SLAIN2: variants seen among roughly 807,000 people sequenced by gnomAD.
The protein encoded by SLAIN2 is SLAIN motif-containing protein 2.
In SLAIN2, 31 loss-of-function variants were observed where a neutral mutation model predicts 56.6. That is an observed-to-expected ratio of 0.55 (90% CI 0.41 to 0.74). The LOEUF is 0.74. Ranked by LOEUF, SLAIN2 falls within the 30% of genes least tolerant of loss-of-function variation. SLAIN2 has a pLI of 0.00. For synonymous variants in SLAIN2, 317 were observed against 284.9 expected, an observed-to-expected ratio of 1.11 and a Z score of -1.13; for missense variants, 777 against 754.2, an observed-to-expected ratio of 1.03 and a Z score of -0.35.
chr4:48,373,815 C>A (rs1173433497), intron 2 of SLAIN2, among the ~76,000 whole-genome samples: 8 of 151,920 alleles, frequency 5.3e-5, no homozygotes, highest in Non-Finnish European at 1.0e-4. Context: ...CCAAGGTGGG[C>A]GGATCACCTG....
chr4:48,376,703 G>A (rs1294932329), intron 2 of SLAIN2, among the ~76,000 whole-genome samples: 1 of 134,438 alleles, frequency 7.4e-6, no homozygotes, highest in Non-Finnish European at 1.5e-5. Flanking sequence ...CTCACTGCAA[G>A]CCCCGCCTCC....
chr4:48,380,422 G>C (rs1577722927), intron 4 of SLAIN2, among the ~76,000 whole-genome samples: 1 of 152,062 alleles, frequency 6.6e-6, no homozygotes, highest in African/African-American at 2.4e-5. Context: ...AATACATGGT[G>C]TAAACTGTAA....
At chr4:48,347,299 G>A (rs1448297379) in intron 1 of SLAIN2, among the ~76,000 whole-genome samples, 1 of 152,072 alleles carries the variant, frequency 6.6e-6, no homozygotes, top group Non-Finnish European at 1.5e-5. Context: ...ATAATCTACA[G>A]CTCACTGCAG....
chr4:48,405,508 A>G (rs1716670168), intron 6 of SLAIN2, among the ~76,000 whole-genome samples: 1 of 152,018 alleles, frequency 6.6e-6, no homozygotes, highest in Non-Finnish European at 1.5e-5. Context: ...TTTGCTGATT[A>G]CTTTTTCATG....
chr4:48,398,263 T>C (rs1716461014), intron 6 of SLAIN2, among the ~76,000 whole-genome samples: 1 of 152,242 alleles, frequency 6.6e-6, no homozygotes, highest in Non-Finnish European at 1.5e-5. Context: ...ATGCGCTTTT[T>C]TTCATGTTTG....
intron 1 of SLAIN2, among the ~76,000 whole-genome samples, chr4:48,348,770 C>T (rs75165902): frequency 0.031 from 4,740 of 151,888 alleles, 81 homozygotes; most frequent in Admixed American, 0.046. Context: ...GCGGAAGCAT[C>T]ATGAATGTTT....
At chr4:48,396,934 C>T (rs1203358496) in intron 6 of SLAIN2, among the ~76,000 whole-genome samples, 1 of 152,134 alleles carries the variant, frequency 6.6e-6, no homozygotes, top group African/African-American at 2.4e-5. Flanking sequence ...AGTCATGCTA[C>T]TAAAGTCAAA....
At chr4:48,409,415 G>A (rs1350636412) in intron 6 of SLAIN2, among the ~76,000 whole-genome samples, 4 of 152,104 alleles carry the variant, frequency 2.6e-5, no homozygotes, top group Non-Finnish European at 5.9e-5. Flanking sequence ...GTTCCTACAC[G>A]GACAAACTTG....
chr4:48,402,765 C>A (rs556697592), intron 6 of SLAIN2, among the ~76,000 whole-genome samples: 1 of 152,120 alleles, frequency 6.6e-6, no homozygotes, highest in East Asian at 1.9e-4. Context: ...GTGCCCTTGC[C>A]GGAGAGATGT....
intron 6 of SLAIN2, among the ~76,000 whole-genome samples, chr4:48,385,609 AC>A (rs751567707): frequency 6.7e-6 from 1 of 150,364 alleles, no homozygotes; most frequent in Admixed American, 6.6e-5. Context: ...AAGATATTTA[AC>A]CCTTTTTTCA....
chr4:48,383,715 A>T lies in SLAIN2; in HGVS notation c.1291A>T (p.Ser431Cys). The T allele has an allele frequency of 1.9e-6, 3 of 1,611,922 alleles. No homozygotes were observed. Among genetic ancestry groups the T allele is most frequent in the Non-Finnish European group, 2.5e-6 (3 of 1,178,758 alleles). The part of the protein sequence containing the change: ...SNTQVDSVKS[S>C]RSDSNFQVPN... ...TACACAAGTTGACTCAGTGAAAAGC[A>T]GCAGAAGTGACTCAAATTTTCAAGT... The change falls in exon 6 of 8, where the codon AGC (serine) becomes TGC (cysteine). Residue 431 changes from serine to cysteine, a missense_variant. By Grantham distance (112) the Ser-to-Cys change is moderately radical. Transcript: ENST00000264313.
At position 48,424,126 on chromosome 4, in the gene SLAIN2, A is replaced by G. The variant is rs2109794381; in HGVS notation, c.*2049A>G. 1 of 152,278 alleles carries G rather than the reference A, an allele frequency of 6.6e-6. No individual in the cohort carries two copies. The highest frequency in any genetic ancestry group is 2.1e-4 in the South Asian group (1 of 4,828). 9.4% of individuals were successfully genotyped at this position (152,278 alleles called of 1,614,324 possible). Reference sequence around the variant, plus strand: ...TTTAACTTTGTTTTTAAATGGCTGCATCAGAAAAAAATGTCTATTTTTTTT... The same window carrying G: ...TTTAACTTTGTTTTTAAATGGCTGCGTCAGAAAAAAATGTCTATTTTTTTT... On this transcript the variant is annotated 3_prime_UTR_variant, in exon 8 of 8. Transcript: ENST00000264313.
rs566147799 is a variant in SLAIN2 at position 48,360,978 on chromosome 4, C to T, written c.390-8871C>T. On this transcript the variant is annotated intron_variant, in intron 1 of 7. Coordinates refer to ENST00000264313, the MANE Select transcript of SLAIN2 (RefSeq NM_020846.2). Reference sequence around the variant, plus strand: ...ATGTCTCTTTTCAAATTATAAATACCAACTCAAAAAATTCAAACAGGACAA... The same window carrying T: ...ATGTCTCTTTTCAAATTATAAATACTAACTCAAAAAATTCAAACAGGACAA... Among the ~76,000 whole-genome samples the T allele has an allele frequency of 2.0e-4, 30 of 152,208 alleles. No individual in the cohort carries two copies. In the East Asian group the frequency reaches 3.9e-3, roughly 20 times the overall value.
At chr4:48,362,806 C>T (rs1402282621) in intron 1 of SLAIN2, among the ~76,000 whole-genome samples, 1 of 94,996 alleles carries the variant, frequency 1.1e-5, no homozygotes, top group Non-Finnish European at 2.0e-5. Context: ...GTGTTTCTCA[C>T]AGAGGGGGAT....
At chr4:48,404,185 G>T (rs559864091) in intron 6 of SLAIN2, among the ~76,000 whole-genome samples, 1 of 152,266 alleles carries the variant, frequency 6.6e-6, no homozygotes, top group East Asian at 1.9e-4. Flanking sequence ...ATTCCTCTCT[G>T]TGAGAGCTGC....
intron 6 of SLAIN2, among the ~76,000 whole-genome samples, chr4:48,407,381 T>C (rs1406057868): frequency 6.6e-6 from 1 of 152,226 alleles, no homozygotes; most frequent in Non-Finnish European, 1.5e-5. Flanking sequence ...TGTAGCAATA[T>C]TAAAATGTTT....
At chr4:48,387,560 T>C (rs1244096567) in intron 6 of SLAIN2, 1 of 151,902 alleles carries the variant, frequency 6.6e-6, no homozygotes, top group Non-Finnish European at 1.5e-5. Context: ...TCCAATTGTA[T>C]GTACTTGTTT....
chr4:48,394,589 G>A, intron 6 of SLAIN2: 1 of 1,535,830 alleles, frequency 6.5e-7, no homozygotes, highest in South Asian at 1.2e-5. Context: ...CGCAAAGGCT[G>A]AAAAATTTGC....
At chr4:48,405,172 C>T (rs17609556) in intron 6 of SLAIN2, among the ~76,000 whole-genome samples, 4,280 of 152,258 alleles carry the variant, frequency 0.028, 66 homozygotes, top group Admixed American at 0.046. Flanking sequence ...AATTCTTATA[C>T]GGCAAACGCC....
Sources: allele counts gnomAD v4.1 joint callset (sites outside exome capture counted in the v4.1 genomes callset), GRCh38; gene constraint gnomAD v4.1.1; transcripts MANE v1.5; gene names NCBI Gene and HGNC (gene_info 2026-07-23, HGNC 2026-07-21).